Variants in NEK11 observed in about 807,000 individuals in gnomAD.
The protein encoded by NEK11 is NIMA related kinase 11, also known as serine/threonine-protein kinase Nek11.
NEK11 carries 72 observed loss-of-function variants against 80.7 expected under a neutral mutation model. The ratio of observed to expected loss-of-function variants is 0.89; its 90% CI spans 0.74 to 1.08. NEK11 has a LOEUF of 1.08. NEK11 is among the 50% of genes least tolerant of loss of function. The probability of loss-of-function intolerance (pLI) is 0.00; values close to 1 mark genes in which losing one functional copy is unlikely to be tolerated. For missense variants in NEK11, 764 were observed against 763.6 expected (o/e 1.00, Z -0.01); for synonymous variants, 251 against 260.7 (o/e 0.96, Z 0.36).
intron 9 of NEK11, among the ~76,000 whole-genome samples, chr3:131,153,504 G>T (rs2090067687): frequency 6.6e-6 from 1 of 150,926 alleles, no homozygotes; most frequent in African/African-American, 2.4e-5. Flanking sequence ...GCTTTTGTTT[G>T]TTTTTTTTTA....
intron 14 of NEK11, among the ~76,000 whole-genome samples, chr3:131,227,230 A>G (rs2095226544): frequency 6.6e-6 from 1 of 152,184 alleles, no homozygotes; most frequent in African/African-American, 2.4e-5. Context: ...AACCATAGAT[A>G]ACAAACACAT....
chr3:131,099,692 T>C (rs2078071875), intron 4 of NEK11, among the ~76,000 whole-genome samples: 1 of 152,030 alleles, frequency 6.6e-6, no homozygotes, highest in African/African-American at 2.4e-5. Context: ...ACCTCTATGG[T>C]TAGCTGTATT....
chr3:131,044,450 G>C (rs1341042136), intron 3 of NEK11, among the ~76,000 whole-genome samples: 4 of 148,450 alleles, frequency 2.7e-5, no homozygotes, highest in South Asian at 2.2e-4. Context: ...AAAAGGTGGG[G>C]GGGGGGGTTG....
At chr3:131,071,526 T>C (rs994732224) in intron 3 of NEK11, among the ~76,000 whole-genome samples, 1 of 152,046 alleles carries the variant, frequency 6.6e-6, no homozygotes, top group African/African-American at 2.4e-5. Flanking sequence ...TTATTACTTC[T>C]ATATCATCAC....
At chr3:131,109,205 A>G (rs545441670) in intron 4 of NEK11, among the ~76,000 whole-genome samples, 1 of 152,242 alleles carries the variant, frequency 6.6e-6, no homozygotes, top group African/African-American at 2.4e-5. Flanking sequence ...TGAAGTAACT[A>G]CTGATACTAG....
chr3:131,293,044 A>G (rs1394428838), intron 17 of NEK11, among the ~76,000 whole-genome samples: 3 of 152,062 alleles, frequency 2.0e-5, no homozygotes, highest in African/African-American at 4.8e-5. Context: ...GAAGGAGAAC[A>G]TTATTTCTTC....
At chr3:131,036,615 T>C (rs1430486769) in intron 3 of NEK11, among the ~76,000 whole-genome samples, 2 of 152,232 alleles carry the variant, frequency 1.3e-5, no homozygotes, top group African/African-American at 4.8e-5. Flanking sequence ...AAGGCTTCCC[T>C]GAGAACTGTG....
chr3:131,325,197 A>T (rs908849492), intron 17 of NEK11: 1 of 151,854 alleles, frequency 6.6e-6, no homozygotes, highest in African/African-American at 2.4e-5. Context: ...CAGCAGGAGA[A>T]TGAATACAGA....
At chr3:131,133,106 C>T in intron 6 of NEK11, 1 of 347,962 alleles carries the variant, frequency 2.9e-6, no homozygotes, top group South Asian at 2.5e-5. Context: ...CTGTTTCATG[C>T]CAGGCACTTT....
chr3:131,206,948 G>A (rs139438156), intron 14 of NEK11, among the ~76,000 whole-genome samples: 6 of 152,166 alleles, frequency 3.9e-5, no homozygotes, highest in Non-Finnish European at 7.4e-5. Context: ...TAGTTTGCTG[G>A]GAATGATGGT....
chr3:131,089,501 G>A (rs1578102125), intron 4 of NEK11, among the ~76,000 whole-genome samples: 1 of 152,102 alleles, frequency 6.6e-6, no homozygotes, highest in South Asian at 2.1e-4. Context: ...GGCAGTGATG[G>A]GATCTTGGCT....
At chr3:131,099,387 G>A (rs2078005827) in intron 4 of NEK11, among the ~76,000 whole-genome samples, 1 of 152,190 alleles carries the variant, frequency 6.6e-6, no homozygotes, top group Admixed American at 6.5e-5. Context: ...AATACAGTTT[G>A]AAGTCAGGTA....
At chr3:131,042,728 C>T (rs899820267) in intron 3 of NEK11, among the ~76,000 whole-genome samples, 1 of 152,204 alleles carries the variant, frequency 6.6e-6, no homozygotes, top group Non-Finnish European at 1.5e-5. Context: ...CTGAAGAGAG[C>T]AGCAGATTTC....
chr3:131,174,831 C>A, intron 14 of NEK11: 1 of 1,602,256 alleles, frequency 6.2e-7, no homozygotes, highest in Non-Finnish European at 8.5e-7. Flanking sequence ...GACTCTAGGG[C>A]CTGGGTCTAC....
At chr3:131,149,946 T>C (rs1438267051) in intron 7 of NEK11, among the ~76,000 whole-genome samples, 1 of 152,050 alleles carries the variant, frequency 6.6e-6, no homozygotes, top group Non-Finnish European at 1.5e-5. Flanking sequence ...TAAGTTTTTT[T>C]GTAATATATG....
chr3:131,225,119 C>T (rs60076936), intron 14 of NEK11, among the ~76,000 whole-genome samples: 3 of 152,148 alleles, frequency 2.0e-5, no homozygotes, highest in Non-Finnish European at 2.9e-5. Flanking sequence ...TCCAGTCCTG[C>T]GTGCTCCATT....
chr3:131,060,158 T>C (rs1434275458), intron 3 of NEK11, among the ~76,000 whole-genome samples: 1 of 152,144 alleles, frequency 6.6e-6, no homozygotes, highest in Non-Finnish European at 1.5e-5. Flanking sequence ...AAGTGTCCCC[T>C]GTTAAAAGAC....
At chr3:131,268,370 C>T (rs535111596) in intron 16 of NEK11, among the ~76,000 whole-genome samples, 18 of 152,296 alleles carry the variant, frequency 1.2e-4, no homozygotes, top group African/African-American at 4.1e-4. Flanking sequence ...TTGAAATTTT[C>T]AGTCTTTTTG....
At chr3:131,197,004 C>G (rs890647687) in intron 14 of NEK11, among the ~76,000 whole-genome samples, 2 of 152,044 alleles carry the variant, frequency 1.3e-5, no homozygotes, top group African/African-American at 4.8e-5. Flanking sequence ...TGTTCTCAGG[C>G]GATAGATGAT....
Sources: gnomAD v4.1 joint callset for allele counts (sites outside exome capture counted in the v4.1 genomes callset) on GRCh38, gnomAD v4.1.1 for gene constraint, MANE v1.5 for transcripts, NCBI Gene and HGNC (gene_info 2026-07-23, HGNC 2026-07-21) for gene names.